Variants in AMPH observed in about 807,000 individuals in gnomAD.
AMPH encodes the protein amphiphysin, also known as amphiphysin (Stiff-Mann syndrome with breast cancer 128kD autoantigen).
A neutral mutation model predicts 99.1 loss-of-function variants in AMPH; 49 were observed. The ratio of observed to expected loss-of-function variants is 0.49; its 90% CI spans 0.39 to 0.63. The LOEUF (loss-of-function observed/expected upper bound fraction) is 0.63. Among genes scored for constraint, AMPH ranks in the 20% least tolerant of loss-of-function variants. The probability of loss-of-function intolerance (pLI) is 0.00; values close to 1 mark genes in which losing one functional copy is unlikely to be tolerated. For missense variants in AMPH, 759 were observed against 863.4 expected (o/e 0.88, Z 1.52); for synonymous variants, 314 against 317.3 (o/e 0.99, Z 0.11).
At chr7:38,599,357 G>A (rs940799843) in intron 1 of AMPH, among the ~76,000 whole-genome samples, 1 of 152,220 alleles carries the variant, frequency 6.6e-6, no homozygotes, top group African/African-American at 2.4e-5. Flanking sequence ...ACGTGAAGAT[G>A]TTGAGGATGA....
At chr7:38,554,437 T>G (rs1224067569) in intron 1 of AMPH, among the ~76,000 whole-genome samples, 1 of 152,186 alleles carries the variant, frequency 6.6e-6, no homozygotes, top group East Asian at 1.9e-4. Context: ...TCAAAATCCC[T>G]TAAAATGTCT....
intron 1 of AMPH, among the ~76,000 whole-genome samples, chr7:38,606,561 ATTCTCT>A (rs1268382468): frequency 1.3e-4 from 17 of 133,896 alleles, no homozygotes; most frequent in African/African-American, 4.7e-4. Flanking sequence ...TCAGAACGTC[ATTCTCT>A]TTTTTTTTTT....
chr7:38,631,179 G>T, intron 1 of AMPH, 104 bp downstream of exon 1: 2 of 1,029,862 alleles, frequency 1.9e-6, no homozygotes, highest in Non-Finnish European at 2.5e-6. Context: ...GCTCCGCAGC[G>T]CGCCGCACCC....
chr7:38,608,679 G>C (rs930124745), intron 1 of AMPH, among the ~76,000 whole-genome samples: 1 of 152,140 alleles, frequency 6.6e-6, no homozygotes, highest in African/African-American at 2.4e-5. Flanking sequence ...CATCAAACAG[G>C]AGAAAGAAGG....
intron 2 of AMPH, among the ~76,000 whole-genome samples, chr7:38,507,788 T>C (rs1789384693): frequency 6.6e-6 from 1 of 152,224 alleles, no homozygotes; most frequent in Admixed American, 6.5e-5. Context: ...CAGGAAATTA[T>C]TGTTCTATGT....
chr7:38,521,121 G>A (rs1490461102), intron 2 of AMPH, among the ~76,000 whole-genome samples: 2 of 53,942 alleles, frequency 3.7e-5, no homozygotes, highest in Non-Finnish European at 6.9e-5. Context: ...TATAGAGTGG[G>A]CACTGAACAA....
At chr7:38,545,308 A>G (rs1042905885) in intron 1 of AMPH, among the ~76,000 whole-genome samples, 2 of 152,152 alleles carry the variant, frequency 1.3e-5, no homozygotes, top group Admixed American at 6.5e-5. Flanking sequence ...TGTACAGGAA[A>G]ATCTGGGCTT....
intron 1 of AMPH, among the ~76,000 whole-genome samples, chr7:38,590,385 C>A (rs1208086347): frequency 1.3e-5 from 2 of 152,086 alleles, no homozygotes; most frequent in Non-Finnish European, 2.9e-5. Context: ...TCTGTGATGG[C>A]GGCATTCAGC....
rs553590124 is a variant in AMPH at position 38,402,675 on chromosome 7, A to G, written c.1399-8461T>C. On this transcript the variant is annotated intron_variant, in intron 17 of 20. Coordinates refer to ENST00000356264, the MANE Select transcript of AMPH (RefSeq NM_001635.4). Reference sequence around the variant, plus strand: ...AATGGCCTGGATGCTTCAGAAAGGAATCCCATACTCATGGCGGGGTAGATG... The same window carrying G: ...AATGGCCTGGATGCTTCAGAAAGGAGTCCCATACTCATGGCGGGGTAGATG... Among the ~76,000 whole-genome samples, 86 of 152,320 alleles carry G rather than the reference A, an allele frequency of 5.6e-4. 1 individual carries two copies. The highest frequency in any genetic ancestry group is 1.9e-3 in the African/African-American group (79 of 41,580).
chr7:38,384,117 T>C lies in AMPH; in HGVS notation c.*701A>G, dbSNP rs563468681. ...CAGATACTGTTGACTCTTTTGCCAA[T>C]GGGATGGCTGGTTTTGCCATTAGGC... On this transcript the variant is annotated 3_prime_UTR_variant, in exon 21 of 21. Transcript: ENST00000356264. The C allele has an allele frequency of 1.1e-4, 17 of 152,398 alleles. No individual in the cohort carries two copies. The highest frequency in any genetic ancestry group is 6.2e-4 in the South Asian group (3 of 4,828). The allele number at this position is 152,398 out of a possible 1,614,324, so 9.4% of individuals were successfully genotyped here. A position where few individuals can be genotyped will look rare whatever the true frequency, so the allele number is the denominator to read the frequency against.
intron 12 of AMPH, 33 bp downstream of exon 12, chr7:38,436,239 A>G: frequency 6.6e-7 from 1 of 1,506,854 alleles, no homozygotes; most frequent in South Asian, 1.1e-5. Context: ...AGGTTTATGA[A>G]ATATCTCCAA....
At chr7:38,480,213 C>G (rs182442150) in intron 5 of AMPH, among the ~76,000 whole-genome samples, 31 of 152,204 alleles carry the variant, frequency 2.0e-4, no homozygotes, top group African/African-American at 7.5e-4. Flanking sequence ...TCTAATTTGT[C>G]CGAAATTGCT....
At chr7:38,530,097 C>G (rs1790338458) in intron 2 of AMPH, among the ~76,000 whole-genome samples, 1 of 152,194 alleles carries the variant, frequency 6.6e-6, no homozygotes, top group Non-Finnish European at 1.5e-5. Context: ...GGAATGCACT[C>G]AAAGTGATAA....
At chr7:38,403,672 G>C (rs1784903743) in intron 17 of AMPH, among the ~76,000 whole-genome samples, 1 of 152,234 alleles carries the variant, frequency 6.6e-6, no homozygotes, top group African/African-American at 2.4e-5. Context: ...CCCGAGGGAA[G>C]GGGGAATACG....
intron 4 of AMPH, among the ~76,000 whole-genome samples, chr7:38,493,276 A>C (rs988526375): frequency 2.0e-5 from 3 of 152,166 alleles, no homozygotes; most frequent in Admixed American, 6.5e-5. Context: ...AATGAGCTGC[A>C]ATAACTCACC....
chr7:38,607,506 G>A (rs1793474785), intron 1 of AMPH, among the ~76,000 whole-genome samples: 1 of 152,212 alleles, frequency 6.6e-6, no homozygotes, highest in Non-Finnish European at 1.5e-5. Flanking sequence ...AGAGGCTCCA[G>A]TGGTCAACAG....
At chr7:38,440,706 A>C (rs1786472510) in intron 11 of AMPH, among the ~76,000 whole-genome samples, 1 of 152,178 alleles carries the variant, frequency 6.6e-6, no homozygotes, top group African/African-American at 2.4e-5. Context: ...CATATAATTG[A>C]AAGTTAGACT....
At chr7:38,531,323 G>A (rs2083147) in intron 2 of AMPH, 45,933 of 152,190 alleles carry the variant, frequency 0.3, 7,435 homozygotes, top group Non-Finnish European at 0.36. Context: ...CTACAGGCAC[G>A]CACCATGGCA....
intron 14 of AMPH, chr7:38,428,770 G>C (rs886513949): frequency 6.6e-6 from 3 of 457,400 alleles, no homozygotes; most frequent in African/African-American, 6.0e-5. Flanking sequence ...CCATCATGTA[G>C]ACCTTGGTCT....
Sources: gnomAD v4.1 joint callset for allele counts (sites outside exome capture counted in the v4.1 genomes callset) on GRCh38, gnomAD v4.1.1 for gene constraint, MANE v1.5 for transcripts, NCBI Gene and HGNC (gene_info 2026-07-23, HGNC 2026-07-21) for gene names.